The following CPNE4 variants were observed in gnomAD, a reference collection of about 807,000 sequenced individuals.
CPNE4 encodes copine-4.
CPNE4 carries 25 observed loss-of-function variants against 67.9 expected under a neutral mutation model. The observed-to-expected ratio is 0.37, with a 90% CI of 0.27 to 0.51. The LOEUF (loss-of-function observed/expected upper bound fraction) is 0.51, where lower values mean the gene tolerates loss of function less well. CPNE4 is among the 20% of genes least tolerant of loss of function. CPNE4 has a pLI of 0.93. For synonymous variants in CPNE4, 242 were observed against 244.9 expected (o/e 0.99, Z 0.11); for missense variants, 464 against 690.8 (o/e 0.67, Z 3.68).
intron 1 of CPNE4, among the ~76,000 whole-genome samples, chr3:131,979,867 G>C (rs991898198): frequency 2.6e-5 from 4 of 152,032 alleles, no homozygotes; most frequent in African/African-American, 9.7e-5. Context: ...AGCTCTTTTA[G>C]CAGTTCTTGT....
At chr3:131,706,892 C>T (rs983476348) in intron 3 of CPNE4, among the ~76,000 whole-genome samples, 4 of 152,122 alleles carry the variant, frequency 2.6e-5, no homozygotes, top group Non-Finnish European at 5.9e-5. Context: ...CCAATGCCCC[C>T]CACCCCACTT....
intron 1 of CPNE4, among the ~76,000 whole-genome samples, chr3:131,931,031 T>A (rs866624028): frequency 4.6e-5 from 7 of 152,112 alleles, no homozygotes; most frequent in African/African-American, 1.7e-4. Context: ...AATTAATGCA[T>A]AGGTCAATAC....
chr3:131,565,985 C>T (rs1284732525), intron 10 of CPNE4, among the ~76,000 whole-genome samples: 1 of 151,920 alleles, frequency 6.6e-6, no homozygotes, highest in Non-Finnish European at 1.5e-5. Flanking sequence ...CATTTATATG[C>T]ATGATATTAC....
At chr3:131,839,431 T>A (rs2085686307) in intron 2 of CPNE4, among the ~76,000 whole-genome samples, 1 of 151,158 alleles carries the variant, frequency 6.6e-6, no homozygotes, top group Admixed American at 6.6e-5. Context: ...TACATTATAT[T>A]AAAATATATT....
chr3:131,698,090 A>T (rs60931343), intron 4 of CPNE4, among the ~76,000 whole-genome samples: 1 of 151,272 alleles, frequency 6.6e-6, no homozygotes, highest in Admixed American at 6.6e-5. Flanking sequence ...AAAAAATTAG[A>T]CAGGTGTGGT....
At chr3:131,582,963 G>A (rs1937938025) in intron 8 of CPNE4, among the ~76,000 whole-genome samples, 1 of 152,094 alleles carries the variant, frequency 6.6e-6, no homozygotes, top group Non-Finnish European at 1.5e-5. Context: ...AGGAAGTTCT[G>A]GGCTAATTTT....
chr3:131,705,861 T>C (rs1459915926), intron 3 of CPNE4, among the ~76,000 whole-genome samples: 2 of 152,188 alleles, frequency 1.3e-5, no homozygotes, highest in Non-Finnish European at 2.9e-5. Context: ...GTGTATTAAT[T>C]ATACACCTTT....
At chr3:131,633,351 C>T (rs1357674965) in intron 7 of CPNE4, among the ~76,000 whole-genome samples, 2 of 152,050 alleles carry the variant, frequency 1.3e-5, no homozygotes, top group Non-Finnish European at 2.9e-5. Flanking sequence ...TATAGGTACC[C>T]ATTGTAAGGT....
intron 2 of CPNE4, among the ~76,000 whole-genome samples, chr3:131,831,835 A>G (rs1332090916): frequency 2.0e-5 from 3 of 152,206 alleles, no homozygotes; most frequent in African/African-American, 7.2e-5. Flanking sequence ...CTGACTCTGC[A>G]GCCTTGAGCT....
chr3:131,655,731 A>AC (rs758098074), intron 7 of CPNE4, among the ~76,000 whole-genome samples: 4 of 152,104 alleles, frequency 2.6e-5, no homozygotes, highest in Admixed American at 6.6e-5. Context: ...TTCTTTTCTC[A>AC]CCCATTTTAA....
chr3:131,696,653 T>A, intron 4 of CPNE4, 37 bp from the exon 5 acceptor site: 2 of 1,580,276 alleles, frequency 1.3e-6, no homozygotes, highest in Non-Finnish European at 1.7e-6. Flanking sequence ...CAATAGAGGG[T>A]GAACTCCTTA....
At chr3:131,953,239 T>TA (rs1167094357) in intron 1 of CPNE4, among the ~76,000 whole-genome samples, 14,059 of 94,206 alleles carry the variant, frequency 0.15, 1,686 homozygotes, top group Non-Finnish European at 0.18. Flanking sequence ...AATGATCAAT[T>TA]AAAAAAAAAA....
intron 7 of CPNE4, among the ~76,000 whole-genome samples, chr3:131,655,099 T>C (rs754335406): frequency 7.9e-5 from 12 of 152,174 alleles, no homozygotes; most frequent in Non-Finnish European, 1.6e-4. Context: ...AAGGTTGAGA[T>C]GGGTGAATTG....
intron 1 of CPNE4, among the ~76,000 whole-genome samples, chr3:131,916,876 C>A (rs946951487): frequency 3.9e-5 from 6 of 152,080 alleles, no homozygotes; most frequent in African/African-American, 1.2e-4. Flanking sequence ...TTTGTTTTTT[C>A]TAAAGAACAA....
At chr3:131,890,271 G>A (rs1395957906) in intron 2 of CPNE4, among the ~76,000 whole-genome samples, 2 of 151,698 alleles carry the variant, frequency 1.3e-5, no homozygotes, top group East Asian at 3.9e-4. Flanking sequence ...TTTTAAATGG[G>A]CAAAGGACCT....
At chr3:131,699,692 C>T (rs1450468982) in intron 4 of CPNE4, among the ~76,000 whole-genome samples, 1 of 152,216 alleles carries the variant, frequency 6.6e-6, no homozygotes, top group Admixed American at 6.5e-5. Flanking sequence ...CTTTCAAATG[C>T]TTTTCCTTTT....
intron 2 of CPNE4, among the ~76,000 whole-genome samples, chr3:131,840,951 TTC>T (rs2085757025): frequency 6.6e-6 from 1 of 152,094 alleles, no homozygotes. Context: ...ACCCACACAT[TTC>T]TCTGTGGGAA....
chr3:131,994,463 T>C (rs2073240665), intron 1 of CPNE4, among the ~76,000 whole-genome samples: 1 of 87,228 alleles, frequency 1.1e-5, no homozygotes, highest in African/African-American at 2.8e-5. Flanking sequence ...GCTCAAGACC[T>C]GCTGAAGGAG....
At chr3:131,776,354 C>T (rs1441137528) in intron 2 of CPNE4, among the ~76,000 whole-genome samples, 2 of 152,130 alleles carry the variant, frequency 1.3e-5, no homozygotes, top group African/African-American at 4.8e-5. Flanking sequence ...AATGGCAGAA[C>T]AGGATTCCAA....
Sources: allele counts gnomAD v4.1 joint callset (sites outside exome capture counted in the v4.1 genomes callset), GRCh38; gene constraint gnomAD v4.1.1; transcripts MANE v1.5; gene names NCBI Gene and HGNC (gene_info 2026-07-23, HGNC 2026-07-21).